Variants in SNRPD1 observed in about 807,000 individuals in gnomAD.
SNRPD1 encodes small nuclear ribonucleoprotein D1 polypeptide, also known as small nuclear ribonucleoprotein Sm D1.
In SNRPD1, 1 loss-of-function variant was observed where a neutral mutation model predicts 14.4. That is an observed-to-expected ratio of 0.07 (90% CI 0.02 to 0.33). The LOEUF is 0.33. Among genes scored for constraint, SNRPD1 ranks in the 10% least tolerant of loss-of-function variants. The pLI is 1.00. For missense variants in SNRPD1, 52 were observed against 146.4 expected (o/e 0.36, Z 3.33); for synonymous variants, 42 against 50.3 (o/e 0.83, Z 0.70).
Position 21,633,517 on chromosome 18 carries a change from T to G in SNRPD1, c.*4379T>G, listed in dbSNP as rs1405271534. On this transcript the variant is annotated 3_prime_UTR_variant, in exon 4 of 4. Coordinates refer to ENST00000300413, the MANE Select transcript of SNRPD1 (RefSeq NM_006938.4). ...GGATCTGTGAAATAAAGAGGAGTAC[T>G]TTCTTTTCGTTTTTTTTTCTTTTCT... is the stretch of plus-strand genomic sequence containing the variant. 3.3e-5 allele frequency: 5 copies of G among 152,080 alleles called. No individual in the cohort carries two copies. The highest frequency in any genetic ancestry group is 7.4e-5 in the Non-Finnish European group (5 of 68,024). 9.4% of individuals were successfully genotyped at this position (152,080 alleles called of 1,614,324 possible).
At chr18:21,624,103 G>T (rs1339342555) in intron 3 of SNRPD1, among the ~76,000 whole-genome samples, 164 bp downstream of exon 3, 1 of 152,102 alleles carries the variant, frequency 6.6e-6, no homozygotes, top group Non-Finnish European at 1.5e-5. Context: ...TTGAGCAACC[G>T]GACGCAGTGG....
At position 21,630,652 on chromosome 18, in the gene SNRPD1, C is replaced by T. The variant is rs1444012056; in HGVS notation, c.*1514C>T. 2 of 151,582 alleles carry T rather than the reference C, an allele frequency of 1.3e-5. No homozygotes were observed. The highest frequency in any genetic ancestry group is 4.8e-5 in the African/African-American group (2 of 41,272). 9.4% of individuals were successfully genotyped at this position (151,582 alleles called of 1,614,324 possible). On this transcript the variant is annotated 3_prime_UTR_variant, in exon 4 of 4. Coordinates refer to ENST00000300413, the MANE Select transcript of SNRPD1 (RefSeq NM_006938.4). ...ACAGGCGCCTGTAATCCCAGCTACT[C>T]ATGAGGCCGAGGCAGGAGAATTGCT...
intron 1 of SNRPD1, among the ~76,000 whole-genome samples, chr18:21,613,164 C>A (rs2038931865): frequency 6.6e-6 from 1 of 152,114 alleles, no homozygotes; most frequent in South Asian, 2.1e-4. Context: ...TATAGTTCTC[C>A]TGTTTTATTT....
chr18:21,615,557 G>A (rs971760024), intron 1 of SNRPD1, among the ~76,000 whole-genome samples: 1 of 151,956 alleles, frequency 6.6e-6, no homozygotes, highest in Non-Finnish European at 1.5e-5. Flanking sequence ...GGTGGAGATT[G>A]CAGTGAGCTG....
At chr18:21,618,162 C>T (rs1419313634) in intron 1 of SNRPD1, among the ~76,000 whole-genome samples, 3 of 152,072 alleles carry the variant, frequency 2.0e-5, no homozygotes, top group Admixed American at 2.0e-4. Flanking sequence ...GTGGCTCACG[C>T]TTGTAATCCC....
chr18:21,627,952 C>T (rs925458737), intron 3 of SNRPD1, among the ~76,000 whole-genome samples: 2 of 152,112 alleles, frequency 1.3e-5, no homozygotes, highest in African/African-American at 4.8e-5. Flanking sequence ...TCAGCTGGTT[C>T]TCCTCAGTTT....
At chr18:21,620,740 A>C (rs1479223176) in intron 1 of SNRPD1, among the ~76,000 whole-genome samples, 2 of 152,198 alleles carry the variant, frequency 1.3e-5, no homozygotes, top group Non-Finnish European at 2.9e-5. Flanking sequence ...TGTGTGACTA[A>C]AGAAACCATA....
chr18:21,618,968 T>C (rs2038977499), intron 1 of SNRPD1, among the ~76,000 whole-genome samples: 1 of 152,232 alleles, frequency 6.6e-6, no homozygotes, highest in African/African-American at 2.4e-5. Context: ...GGTTATCTTA[T>C]GTGTACCATT....
Position 21,614,848 on chromosome 18 carries a change from C to T in SNRPD1, c.14+2405C>T, listed in dbSNP as rs1490366652. ...GAAAATAATTTGAATCCATTTGGTT[C>T]CTGGGCTCAGTTAGGGAGGGATAAT... On this transcript the variant is annotated intron_variant, in intron 1 of 3. Coordinates refer to ENST00000300413, the MANE Select transcript of SNRPD1 (RefSeq NM_006938.4). Among the ~76,000 whole-genome samples, 4 of 152,294 alleles carry T rather than the reference C, an allele frequency of 2.6e-5. No individual in the cohort carries two copies. In the East Asian group the frequency reaches 7.7e-4, roughly 29 times the overall value.
At chr18:21,624,444 C>T (rs1355949125) in intron 3 of SNRPD1, among the ~76,000 whole-genome samples, 2 of 151,414 alleles carry the variant, frequency 1.3e-5, no homozygotes, top group Non-Finnish European at 2.9e-5. Flanking sequence ...GTAATCCCAG[C>T]ACTTTGGGAG....
chr18:21,615,868 A>C (rs1180279403), intron 1 of SNRPD1, among the ~76,000 whole-genome samples: 1 of 152,202 alleles, frequency 6.6e-6, no homozygotes, highest in Non-Finnish European at 1.5e-5. Flanking sequence ...TTAACAATAT[A>C]TTAGAATAAC....
intron 3 of SNRPD1, among the ~76,000 whole-genome samples, chr18:21,625,898 G>A (rs949010448): frequency 6.6e-6 from 1 of 151,920 alleles, no homozygotes; most frequent in Non-Finnish European, 1.5e-5. Context: ...CGTGAGCCAC[G>A]GTGCCTGGCC....
At chr18:21,617,403 T>G (rs2038965429) in intron 1 of SNRPD1, among the ~76,000 whole-genome samples, 1 of 152,198 alleles carries the variant, frequency 6.6e-6, no homozygotes. Context: ...TTGCTTGTAT[T>G]GTTTCATTGA....
chr18:21,624,872 ACATCCTTTT>A (rs2039024930), intron 3 of SNRPD1, among the ~76,000 whole-genome samples: 1 of 152,186 alleles, frequency 6.6e-6, no homozygotes, highest in East Asian at 1.9e-4. Context: ...GTTTCAGTGC[ACATCCTTTT>A]GTACCCTTTA....
At chr18:21,626,123 T>C (rs1301618473) in intron 3 of SNRPD1, among the ~76,000 whole-genome samples, 1 of 151,954 alleles carries the variant, frequency 6.6e-6, no homozygotes, top group African/African-American at 2.4e-5. Context: ...CCAGGTGCGG[T>C]GGCTCATGCC....
At chr18:21,616,132 CCTG>C (rs1255849159) in intron 1 of SNRPD1, among the ~76,000 whole-genome samples, 3 of 151,878 alleles carry the variant, frequency 2.0e-5, no homozygotes, top group African/African-American at 7.3e-5. Context: ...ACTACAGGCG[CCTG>C]CCACCACGCC....
chr18:21,629,252 A>T lies in SNRPD1; in HGVS notation c.*114A>T. 1.3e-6 allele frequency: 1 copy of T among 784,296 alleles called. No homozygotes were observed. The allele number at this position is 784,296 out of a possible 1,614,324, so 48.6% of individuals were successfully genotyped here. On this transcript the variant is annotated 3_prime_UTR_variant, in exon 4 of 4. Coordinates refer to ENST00000300413, the MANE Select transcript of SNRPD1 (RefSeq NM_006938.4). ...TGTGGGACAGAGCTGTCTATTTAGT[A>T]TATCAAAGTTTTAGTAGTTTCCTCC...
At chr18:21,615,127 C>T (rs1440068090) in intron 1 of SNRPD1, among the ~76,000 whole-genome samples, 1 of 152,204 alleles carries the variant, frequency 6.6e-6, no homozygotes, top group Non-Finnish European at 1.5e-5. Context: ...TGGCTCCATA[C>T]CCCTAGATGC....
chr18:21,627,137 TG>T (rs1465905726), intron 3 of SNRPD1, among the ~76,000 whole-genome samples: 2 of 151,472 alleles, frequency 1.3e-5, no homozygotes, highest in African/African-American at 4.8e-5. Context: ...GGCGTGGTGG[TG>T]GGCGCCTGCA....
Sources: gnomAD v4.1 joint callset for allele counts (sites outside exome capture counted in the v4.1 genomes callset) on GRCh38, gnomAD v4.1.1 for gene constraint, MANE v1.5 for transcripts, NCBI Gene and HGNC (gene_info 2026-07-23, HGNC 2026-07-21) for gene names.